DAO: variants seen among roughly 807,000 people sequenced by gnomAD.
DAO encodes D-amino acid oxidase.
DAO carries 51 observed loss-of-function variants against 50.1 expected under a neutral mutation model. The ratio of observed to expected loss-of-function variants is 1.02; its 90% confidence interval spans 0.81 to 1.29. DAO has a LOEUF of 1.29. DAO is among the 50% of genes most tolerant of loss of function. The pLI, the probability that DAO is intolerant of heterozygous loss-of-function variation, is 0.00. For missense variants in DAO, 436 were observed against 439.4 expected, an observed-to-expected ratio of 0.99 and a Z score of 0.07; for synonymous variants, 160 against 166.2, an observed-to-expected ratio of 0.96 and a Z score of 0.29.
chr12:108,895,910 C>T (rs754353986), intron 7 of DAO, among the ~76,000 whole-genome samples: 2 of 151,716 alleles, frequency 1.3e-5, no homozygotes, highest in African/African-American at 2.4e-5. Flanking sequence ...GCATAAGTCT[C>T]AAATCATCGA....
chr12:108,888,664 A>C (rs572281125), intron 3 of DAO, among the ~76,000 whole-genome samples: 1 of 152,208 alleles, frequency 6.6e-6, no homozygotes, highest in South Asian at 2.1e-4. Context: ...TGATACAGAC[A>C]AGGAAACTGA....
At chr12:108,889,224 A>G (rs548850939) in intron 3 of DAO, among the ~76,000 whole-genome samples, 2 of 151,920 alleles carry the variant, frequency 1.3e-5, no homozygotes, top group South Asian at 4.2e-4. Context: ...TCCTGCCTCA[A>G]TCTCCTGAGT....
Position 108,894,279 on chromosome 12 carries a change from C to T in DAO, c.524C>T (p.Ala175Val). 6.2e-7 allele frequency: 1 copy of T among 1,613,958 alleles called. No individual in the cohort carries two copies. The highest frequency in any genetic ancestry group is 8.5e-7 in the Non-Finnish European group (1 of 1,179,956). The change falls in exon 7 of 11, where the codon GCA (alanine) becomes GTA (valine). Residue 175 changes from alanine to valine, a missense_variant. Transcript: ENST00000228476. ...TGCTACCAGGTGGCAAGAGAAGGCG[C>T]AGACGTGATTGTCAACTGCACTGGG... Reference protein sequence around the residue: ...ESFEEVAREGADVIVNCTGVW... With the variant: ...ESFEEVAREGVDVIVNCTGVW...
intron 3 of DAO, 47 bp downstream of exon 3, chr12:108,887,611 G>A: frequency 7.2e-7 from 1 of 1,382,976 alleles, no homozygotes; most frequent in Non-Finnish European, 1.0e-6. Context: ...CCAGGGCTGG[G>A]GTAGTGAGGG....
chr12:108,889,327 C>A (rs369475980), intron 3 of DAO, 142 bp from the exon 4 acceptor site: 1 of 611,048 alleles, frequency 1.6e-6, no homozygotes, highest in East Asian at 3.4e-5. Context: ...CCAGACTGGT[C>A]TGGAGCTCCT....
intron 2 of DAO, among the ~76,000 whole-genome samples, chr12:108,886,619 C>T (rs2039438831): frequency 6.6e-6 from 1 of 152,192 alleles, no homozygotes; most frequent in African/African-American, 2.4e-5. Flanking sequence ...TGCATGCTAT[C>T]ATGCCTGGAT....
At chr12:108,887,286 G>A (rs2137345126) in intron 2 of DAO, among the ~76,000 whole-genome samples, 164 bp from the exon 3 acceptor site, 1 of 152,330 alleles carries the variant, frequency 6.6e-6, no homozygotes, top group East Asian at 1.9e-4. Context: ...TTAGGAGGGA[G>A]AAGACCCAAG....
At position 108,886,945 on chromosome 12, in the gene DAO, C is replaced by A. The variant is rs1593159248; in HGVS notation, c.195-505C>A. On this transcript the variant is annotated intron_variant, in intron 2 of 10. Transcript: ENST00000228476. The stretch of plus-strand genomic sequence containing the variant: ...GAAGGATCATGCAGGACCACACGTG[C>A]AGAGTCTTTAGAGTCCCTTGGCCAG... Among the ~76,000 whole-genome samples, 7 of 152,318 alleles carry A rather than the reference C, an allele frequency of 4.6e-5. No homozygotes were observed. The South Asian group carries it at 1.5e-3, about 32-fold the overall frequency.
Position 108,897,050 on chromosome 12 carries a change from A to AT in DAO, c.657_658insT (p.Glu220Ter). 6.2e-7 allele frequency: 1 copy of AT among 1,614,040 alleles called. No homozygotes were observed. Among genetic ancestry groups the AT allele is most frequent in the African/African-American group, 1.3e-5 (1 of 75,044 alleles). On this transcript the variant is annotated frameshift_variant, in exon 8 of 11. Transcript: ENST00000228476. LOFTEE classifies it high-confidence loss of function. ...AGCACTTCATTCTCACCCATGACCC[A>AT]GAGAGAGGCATCTACAATTCCCCGT...
At position 108,892,319 on chromosome 12, in the gene DAO, C is replaced by T. The variant is rs575044136; in HGVS notation, c.453-663C>T. Among the ~76,000 whole-genome samples the T allele has an allele frequency of 4.6e-5, 7 of 151,860 alleles. No homozygotes were observed. In the South Asian group the frequency reaches 1.0e-3, roughly 23 times the overall value. Reference sequence around the variant, plus strand: ...CTTGGAATACAGGCGCCTGCCACCACGTCTGGCTAATTTTTTTTTTGTATT... The same window carrying T: ...CTTGGAATACAGGCGCCTGCCACCATGTCTGGCTAATTTTTTTTTTGTATT... On this transcript the variant is annotated intron_variant, in intron 5 of 10. Coordinates refer to ENST00000228476, the MANE Select transcript of DAO (RefSeq NM_001917.5).
At chr12:108,881,737 T>C (rs2039384151) in intron 1 of DAO, among the ~76,000 whole-genome samples, 1 of 151,646 alleles carries the variant, frequency 6.6e-6, no homozygotes, top group Admixed American at 6.6e-5. Context: ...CCCGAGTAGC[T>C]GGAATTTCAG....
chr12:108,891,946 A>G (rs563738226), intron 5 of DAO, among the ~76,000 whole-genome samples: 2 of 152,026 alleles, frequency 1.3e-5, no homozygotes, highest in African/African-American at 4.8e-5. Context: ...ATTATCAGCC[A>G]TGTTTGGGAA....
At chr12:108,884,645 A>G (rs2039414400) in intron 1 of DAO, among the ~76,000 whole-genome samples, 3 of 152,134 alleles carry the variant, frequency 2.0e-5, no homozygotes, top group African/African-American at 7.2e-5. Flanking sequence ...GCCAGAGCCC[A>G]TCGCACTAAC....
At chr12:108,894,651 G>A (rs758064304) in intron 7 of DAO, among the ~76,000 whole-genome samples, 8 of 152,018 alleles carry the variant, frequency 5.3e-5, no homozygotes, top group Admixed American at 1.3e-4. Context: ...TTTACCAAGC[G>A]CGAGATACAG....
At chr12:108,892,408 C>T (rs2039501493) in intron 5 of DAO, among the ~76,000 whole-genome samples, 11 of 151,486 alleles carry the variant, frequency 7.3e-5, no homozygotes, top group South Asian at 6.3e-4. Flanking sequence ...CCTCGTGATC[C>T]GCCCACCTCG....
At chr12:108,887,379 A>C in intron 2 of DAO, 71 bp from the exon 3 acceptor site, 2 of 1,107,012 alleles carry the variant, frequency 1.8e-6, no homozygotes, top group Non-Finnish European at 2.8e-6. Context: ...CCACAGCCCC[A>C]TGCCAGCTGA....
In DAO at chr12:108,887,578, T is replaced by A; in HGVS notation, c.309+14T>A. 3.8e-6 allele frequency: 6 copies of A among 1,590,666 alleles called. No homozygotes were observed. The highest frequency in any genetic ancestry group is 5.2e-6 in the Non-Finnish European group (6 of 1,158,918). On this transcript the variant is annotated intron_variant, in intron 3 of 10. Coordinates refer to ENST00000228476, the MANE Select transcript of DAO (RefSeq NM_001917.5). The stretch of plus-strand genomic sequence containing the variant: ...GAAGCCATTCCGGTGGGTGAACAGT[T>A]CTTGACCATGAGGGATGAGCACCCA...
intron 6 of DAO, 112 bp from the exon 7 acceptor site, chr12:108,894,151 C>A (rs1438609174): frequency 4.9e-6 from 4 of 824,654 alleles, no homozygotes; most frequent in Non-Finnish European, 8.1e-6. Flanking sequence ...CCTCTCCCCA[C>A]TGTTCATCAG....
chr12:108,898,058 C>A (rs999346567), intron 8 of DAO, among the ~76,000 whole-genome samples: 2 of 151,690 alleles, frequency 1.3e-5, no homozygotes, highest in Non-Finnish European at 2.9e-5. Context: ...GTCACTGAAA[C>A]CAGTGGTGGT....
Sources: gnomAD v4.1 joint callset for allele counts (sites outside exome capture counted in the v4.1 genomes callset) on GRCh38, gnomAD v4.1.1 for gene constraint, MANE v1.5 for transcripts, NCBI Gene and HGNC (gene_info 2026-07-23, HGNC 2026-07-21) for gene names.